The following CDC42SE1 variants were observed in gnomAD, a reference collection of about 807,000 sequenced individuals.
CDC42SE1 encodes the protein CDC42 small effector protein 1.
In CDC42SE1, 10 loss-of-function variants were observed where a neutral mutation model predicts 10.9. The observed-to-expected ratio is 0.92, with a 90% CI of 0.57 to 1.56. CDC42SE1 has a LOEUF of 1.56. Among genes scored for constraint, CDC42SE1 ranks in the 40% most tolerant of loss-of-function variants. The probability of loss-of-function intolerance (pLI) is 0.00; values close to 1 mark genes in which losing one functional copy is unlikely to be tolerated. For synonymous variants in CDC42SE1, 24 were observed against 32.0 expected, an observed-to-expected ratio of 0.75 and a Z score of 0.85; for missense variants, 81 against 100.8, an observed-to-expected ratio of 0.80 and a Z score of 0.84.
intron 1 of CDC42SE1, chr1:151,056,515 G>T (rs1256191801): frequency 6.6e-6 from 1 of 152,174 alleles, no homozygotes; most frequent in African/African-American, 2.4e-5. Flanking sequence ...AGACTAACTG[G>T]CAGGTTGGCC....
Position 151,055,949 on chromosome 1 carries a change from G to A in CDC42SE1, c.-219C>T. 1 of 577,928 alleles carries A rather than the reference G, an allele frequency of 1.7e-6. No individual in the cohort carries two copies. The highest frequency in any genetic ancestry group is 2.1e-5 in the South Asian group (1 of 47,836). 35.8% of individuals were successfully genotyped at this position (577,928 alleles called of 1,614,324 possible). On this transcript the variant is annotated 5_prime_UTR_variant, in exon 2 of 5. Coordinates refer to ENST00000357235, the MANE Select transcript of CDC42SE1 (RefSeq NM_020239.4). Reference sequence around the variant, plus strand: ...GAGATGAACAGGACCAGAGAGAGAGGTGGGCAGGCAGGCACAAGGTTATGT... The same window carrying A: ...GAGATGAACAGGACCAGAGAGAGAGATGGGCAGGCAGGCACAAGGTTATGT...
In CDC42SE1 at chr1:151,055,785, C is replaced by T; in HGVS notation, c.-55G>A. 2 of 1,485,306 alleles carry T rather than the reference C, an allele frequency of 1.3e-6. No individual in the cohort carries two copies. The highest frequency in any genetic ancestry group is 9.3e-7 in the Non-Finnish European group (1 of 1,070,158). The allele number at this position is 1,485,306 out of a possible 1,614,324, so 92.0% of individuals were successfully genotyped here. A position where few individuals can be genotyped will look rare whatever the true frequency, so the allele number is the denominator to read the frequency against. ...TGTCTGAGGCCCCAAAGGGCTCTTT[C>T]CCTGGTGTTTGGACAACCCACTCCT... On this transcript the variant is annotated 5_prime_UTR_variant, in exon 2 of 5. Coordinates refer to ENST00000357235, the MANE Select transcript of CDC42SE1 (RefSeq NM_020239.4).
chr1:151,055,861 C>T lies in CDC42SE1; in HGVS notation c.-131G>A, dbSNP rs1452909076. On this transcript the variant is annotated 5_prime_UTR_variant, in exon 2 of 5. Transcript: ENST00000357235. ...CTGGGTTCACTCAGCTGGATGGGTCCAGACAAAGTGGAATCCCTGGAACCT... is the reference window on the plus strand; with the variant it reads ...CTGGGTTCACTCAGCTGGATGGGTCTAGACAAAGTGGAATCCCTGGAACCT... 1.3e-6 allele frequency: 1 copy of T among 750,900 alleles called. No homozygotes were observed. The highest frequency in any genetic ancestry group is 2.3e-6 in the Non-Finnish European group (1 of 426,696). The allele number at this position is 750,900 out of a possible 1,614,324, so 46.5% of individuals were successfully genotyped here.
At chr1:151,054,133 A>G in intron 4 of CDC42SE1, 98 bp downstream of exon 4, 1 of 813,086 alleles carries the variant, frequency 1.2e-6, no homozygotes, top group Non-Finnish European at 2.1e-6. Context: ...GCCCGGCCAC[A>G]CCTCCCTTTC....
chr1:151,055,193 A>G (rs1008383860), intron 2 of CDC42SE1, 67 bp from the exon 3 acceptor site: 1 of 1,204,514 alleles, frequency 8.3e-7, no homozygotes, highest in Non-Finnish European at 1.2e-6. Flanking sequence ...GGAAGGGAAA[A>G]GAGTCTTCAA....
At chr1:151,054,636 C>T (rs914196430) in intron 3 of CDC42SE1, among the ~76,000 whole-genome samples, 2 of 152,180 alleles carry the variant, frequency 1.3e-5, no homozygotes, top group Non-Finnish European at 2.9e-5. Context: ...GCATCTTAGA[C>T]ATTATTTAGG....
intron 2 of CDC42SE1, 136 bp downstream of exon 2, chr1:151,055,541 G>T: frequency 1.4e-6 from 1 of 739,400 alleles, no homozygotes; most frequent in South Asian, 1.5e-5. Flanking sequence ...ACAGCTGCCT[G>T]ACCATAGAAG....
In CDC42SE1 at chr1:151,054,468, C is replaced by CCA. The variant is rs1259916116; in HGVS notation, c.166-148_166-147insTG. 4.4e-6 allele frequency: 3 copies of CCA among 678,340 alleles called. No homozygotes were observed. In the Admixed American group the frequency reaches 7.4e-5, roughly 17 times the overall value. The allele number at this position is 678,340 out of a possible 1,614,324, so 42.0% of individuals were successfully genotyped here. ...ACCACCATTCCTCCTAGGGGAGTCT[C>CCA]AATGCCTCTTTTCACACTGGCCTTC... On this transcript the variant is annotated intron_variant, in intron 3 of 4. Coordinates refer to ENST00000357235, the MANE Select transcript of CDC42SE1 (RefSeq NM_020239.4).
intron 1 of CDC42SE1, among the ~76,000 whole-genome samples, chr1:151,056,327 T>TTC (rs1390624269): frequency 6.6e-6 from 1 of 152,174 alleles, no homozygotes; most frequent in Non-Finnish European, 1.5e-5. Flanking sequence ...TCCAGCTCCC[T>TTC]TCTCTCTGAG....
Position 151,055,699 on chromosome 1 carries a change from C to T in CDC42SE1, c.32G>A (p.Cys11Tyr). 1 of 1,613,540 alleles carries T rather than the reference C, an allele frequency of 6.2e-7. No individual in the cohort carries two copies. Residue 11 changes from cysteine (C) to tyrosine (Y), a missense_variant, in exon 2 of 5, where the codon TGT (cysteine) becomes TAT (tyrosine). Physicochemically the swap from Cys to Tyr is radical, Grantham distance 194. Coordinates refer to ENST00000357235, the MANE Select transcript of CDC42SE1 (RefSeq NM_020239.4). MSEFWHKLGC[C>Y]VVEKPQPKKK... The stretch of plus-strand genomic sequence containing the variant: ...CACCGGCTGGGGTTTCTCTACCACA[C>T]AGCAGCCCAGTTTGTGCCAAAATTC...
chr1:151,058,900 A>C (rs1676340739), intron 1 of CDC42SE1: 1 of 152,382 alleles, frequency 6.6e-6, no homozygotes, highest in Admixed American at 6.5e-5. Flanking sequence ...GAATCGAGAG[A>C]ATGGCATGGG....
rs1047256303 is a variant in CDC42SE1, at chr1:151,051,849, A to G, written c.*1495T>C. 5 of 152,428 alleles carry G rather than the reference A, an allele frequency of 3.3e-5. No individual in the cohort carries two copies. The highest frequency in any genetic ancestry group is 1.2e-4 in the African/African-American group (5 of 41,370). 9.4% of individuals were successfully genotyped at this position (152,428 alleles called of 1,614,324 possible). A position where few individuals can be genotyped will look rare whatever the true frequency, so the allele number is the denominator to read the frequency against. ...ACTGCTTCTCTCTCCCCTTTCCCCA[A>G]TCCTACCATACCCTGTTCATATCTC... On this transcript the variant is annotated 3_prime_UTR_variant, in exon 5 of 5. Transcript: ENST00000357235.
At chr1:151,054,736 GGA>G (rs1676247472) in intron 3 of CDC42SE1, among the ~76,000 whole-genome samples, 1 of 152,106 alleles carries the variant, frequency 6.6e-6, no homozygotes, top group Non-Finnish European at 1.5e-5. Context: ...TTAGGAGAAG[GGA>G]GAGTTATAAG....
At chr1:151,054,400 A>G in intron 3 of CDC42SE1, 79 bp from the exon 4 acceptor site, 1 of 1,158,426 alleles carries the variant, frequency 8.6e-7, no homozygotes, top group Non-Finnish European at 1.3e-6. Flanking sequence ...CCTTCCAGGG[A>G]AGAGGCTGAC....
At chr1:151,058,040 GTGAC>G in intron 1 of CDC42SE1, 1 of 152,534 alleles carries the variant, frequency 6.6e-6, no homozygotes, top group African/African-American at 2.4e-5. Flanking sequence ...AGGCTGTACT[GTGAC>G]TGGACTCTCC....
intron 3 of CDC42SE1, 39 bp downstream of exon 3, chr1:151,054,977 C>A (rs764906524): frequency 7.1e-7 from 1 of 1,412,936 alleles, no homozygotes; most frequent in Non-Finnish European, 1.0e-6. Context: ...CGGTTATAGA[C>A]CTCACCCCTG....
At position 151,051,633 on chromosome 1, in the gene CDC42SE1, G is replaced by A. The variant is rs587737591; in HGVS notation, c.*1711C>T. ...CTAATTACCCTGGAAGGGCCAGAAC[G>A]AAGAACACCTGAGAATACTGAAAGT... On this transcript the variant is annotated 3_prime_UTR_variant, in exon 5 of 5. Transcript: ENST00000357235. 3.9e-5 allele frequency: 6 copies of A among 152,556 alleles called. No homozygotes were observed. The South Asian group carries it at 1.2e-3, about 32-fold the overall frequency. The allele number at this position is 152,556 out of a possible 1,614,324, so 9.5% of individuals were successfully genotyped here. A position where few individuals can be genotyped will look rare whatever the true frequency, so the allele number is the denominator to read the frequency against.
intron 4 of CDC42SE1, among the ~76,000 whole-genome samples, chr1:151,053,890 C>T (rs1361563290): frequency 1.3e-5 from 2 of 152,072 alleles, no homozygotes; most frequent in Non-Finnish European, 1.5e-5. Flanking sequence ...AGTGCAGTGG[C>T]GCGATCTCAG....
chr1:151,055,179 C>G (rs370211814), intron 2 of CDC42SE1, 53 bp from the exon 3 acceptor site: 2 of 1,322,266 alleles, frequency 1.5e-6, no homozygotes, highest in Admixed American at 3.4e-5. Flanking sequence ...CCAGTCAGCA[C>G]GGAGGAAGGG....
Sources: allele counts gnomAD v4.1 joint callset (sites outside exome capture counted in the v4.1 genomes callset), GRCh38; gene constraint gnomAD v4.1.1; transcripts MANE v1.5; gene names NCBI Gene and HGNC (gene_info 2026-07-23, HGNC 2026-07-21).